EHD4: variants seen among roughly 807,000 people sequenced by gnomAD.
EHD4 encodes the protein EH domain containing 4.
A neutral mutation model predicts 51.0 loss-of-function variants in EHD4; 37 were observed. The ratio of observed to expected loss-of-function variants is 0.73; its 90% CI spans 0.56 to 0.95. The LOEUF (loss-of-function observed/expected upper bound fraction) is 0.95. Ranked by LOEUF, EHD4 falls within the 40% of genes least tolerant of loss-of-function variation. The probability of loss-of-function intolerance (pLI) is 0.00; values close to 1 mark genes in which losing one functional copy is unlikely to be tolerated. For missense variants in EHD4, 632 were observed against 733.1 expected (o/e 0.86, Z 1.59); for synonymous variants, 297 against 317.3 (o/e 0.94, Z 0.68).
chr15:41,904,438 C>A (rs767377753), intron 5 of EHD4, among the ~76,000 whole-genome samples: 4 of 152,186 alleles, frequency 2.6e-5, no homozygotes, highest in Non-Finnish European at 5.9e-5. Context: ...AGCACCAAAC[C>A]ATCATCATCC....
At chr15:41,948,501 G>C (rs753812589) in intron 2 of EHD4, among the ~76,000 whole-genome samples, 1 of 152,072 alleles carries the variant, frequency 6.6e-6, no homozygotes, top group South Asian at 2.1e-4. Context: ...GCTTCAGCAA[G>C]TTTATTATAG....
At chr15:41,904,879 C>A (rs2067502667) in intron 5 of EHD4, among the ~76,000 whole-genome samples, 1 of 152,246 alleles carries the variant, frequency 6.6e-6, no homozygotes, top group Admixed American at 6.5e-5. Context: ...GCACAGGCAG[C>A]CACACAGGTG....
chr15:41,938,261 G>A (rs897054300), intron 3 of EHD4, among the ~76,000 whole-genome samples: 3 of 152,152 alleles, frequency 2.0e-5, no homozygotes, highest in African/African-American at 7.2e-5. Flanking sequence ...GCCTGTTCCT[G>A]TTTATATCAC....
At chr15:41,950,720 C>G (rs996460287) in intron 2 of EHD4, among the ~76,000 whole-genome samples, 1 of 152,106 alleles carries the variant, frequency 6.6e-6, no homozygotes, top group Non-Finnish European at 1.5e-5. Flanking sequence ...GCTAGAAGGA[C>G]AGAAACTCCT....
rs376548348 is a variant in EHD4 at position 41,919,447 on chromosome 15, C to T, written c.687G>A (p.Thr229=). The change falls in exon 4 of 6, where the codon ACG becomes ACA. Residue 229 remains threonine, a synonymous_variant. Coordinates refer to ENST00000220325, the MANE Select transcript of EHD4 (RefSeq NM_139265.4). ...VVLNKADQVD[T]QQLMRVYGAL... The stretch of plus-strand genomic sequence containing the variant: ...CCCCGTAGACCCGCATCAGCTGCTG[C>T]GTGTCCACTTGGTCGGCCTTGTTCA... 100 of 1,577,612 alleles carry T rather than the reference C, an allele frequency of 6.3e-5. No individual in the cohort carries two copies. Among genetic ancestry groups the T allele is most frequent in the Middle Eastern group, 3.4e-4 (2 of 5,882 alleles).
At chr15:41,950,708 TG>T (rs1161225913) in intron 2 of EHD4, among the ~76,000 whole-genome samples, 1 of 152,194 alleles carries the variant, frequency 6.6e-6, no homozygotes, top group Non-Finnish European at 1.5e-5. Flanking sequence ...GACACACACT[TG>T]GCTAGAAGGA....
At chr15:41,964,144 C>CAAAAAAAA (rs755699829) in intron 1 of EHD4, among the ~76,000 whole-genome samples, 1 of 26,554 alleles carries the variant, frequency 3.8e-5, no homozygotes, top group Non-Finnish European at 8.3e-5. Flanking sequence ...GACTCCATCT[C>CAAAAAAAA]AAAAAAAAAA....
intron 1 of EHD4, among the ~76,000 whole-genome samples, chr15:41,962,836 G>A (rs973384764): frequency 6.6e-6 from 1 of 152,194 alleles, no homozygotes; most frequent in Non-Finnish European, 1.5e-5. Flanking sequence ...GAGGATGGCG[G>A]TTTTGTCGAA....
intron 4 of EHD4, among the ~76,000 whole-genome samples, chr15:41,912,112 C>T (rs958403301): frequency 2.6e-5 from 4 of 152,160 alleles, no homozygotes; most frequent in Admixed American, 6.5e-5. Flanking sequence ...GAGGTGGCCC[C>T]GACACTAGGC....
chr15:41,944,193 T>G (rs867678051), intron 2 of EHD4, among the ~76,000 whole-genome samples: 2 of 152,166 alleles, frequency 1.3e-5, no homozygotes, highest in East Asian at 3.8e-4. Flanking sequence ...GTTCCTCACA[T>G]GAAAATGGTG....
rs566663725 is a variant in EHD4 at position 41,958,069 on chromosome 15, C to T, written c.237-4129G>A. Among the ~76,000 whole-genome samples, 3 of 151,944 alleles carry T rather than the reference C, an allele frequency of 2.0e-5. No individual in the cohort carries two copies. The South Asian group carries it at 6.3e-4, about 32-fold the overall frequency. On this transcript the variant is annotated intron_variant, in intron 1 of 5. Coordinates refer to ENST00000220325, the MANE Select transcript of EHD4 (RefSeq NM_139265.4). ...TGCCTCAGAGGCTTTCCCAAAGCTA[C>T]GAGTTTCAGGGACTCTAGTATTATC...
intron 2 of EHD4, among the ~76,000 whole-genome samples, chr15:41,948,325 A>G (rs191670975): frequency 4.6e-5 from 7 of 151,850 alleles, no homozygotes; most frequent in African/African-American, 1.7e-4. Context: ...CTTTTTTATT[A>G]TTGTTATTTT....
At chr15:41,967,941 A>G (rs900017190) in intron 1 of EHD4, among the ~76,000 whole-genome samples, 10 of 152,092 alleles carry the variant, frequency 6.6e-5, no homozygotes, top group Admixed American at 5.9e-4. Context: ...GCCCTGGGAG[A>G]GCTCCTCAGC....
At chr15:41,966,769 C>G (rs919838573) in intron 1 of EHD4, among the ~76,000 whole-genome samples, 4 of 152,204 alleles carry the variant, frequency 2.6e-5, no homozygotes, top group Admixed American at 6.5e-5. Flanking sequence ...ATCTTTTTAT[C>G]TAAGCTAGCT....
At chr15:41,952,249 G>A (rs2067857151) in intron 2 of EHD4, among the ~76,000 whole-genome samples, 1 of 152,182 alleles carries the variant, frequency 6.6e-6, no homozygotes, top group Non-Finnish European at 1.5e-5. Flanking sequence ...GCAGCCGGCT[G>A]GGAGGATCCG....
intron 3 of EHD4, among the ~76,000 whole-genome samples, chr15:41,925,623 G>A (rs1238373069): frequency 6.6e-6 from 1 of 152,224 alleles, no homozygotes; most frequent in Non-Finnish European, 1.5e-5. Context: ...AGTGAAACTT[G>A]TATTAGTCTG....
chr15:41,904,708 C>T (rs1360599124), intron 5 of EHD4, among the ~76,000 whole-genome samples: 1 of 152,242 alleles, frequency 6.6e-6, no homozygotes, highest in African/African-American at 2.4e-5. Context: ...CTGCCCTCTG[C>T]TGTTGAAATG....
Position 41,901,049 on chromosome 15 carries a change from G to A in EHD4, c.1222C>T (p.Pro408Ser). 1 of 1,612,784 alleles carries A rather than the reference G, an allele frequency of 6.2e-7. No individual in the cohort carries two copies. Among genetic ancestry groups the A allele is most frequent in the East Asian group, 2.2e-5 (1 of 44,846 alleles). ...NLISQEETST[P>S]TQLVQGGAFD... ...GCGCCGCCCTGCACCAGCTGCGTGG[G>A]CGTGCTCGTCTCCTCCTGGCTGATG... Residue 408 changes from proline (P) to serine (S), a missense_variant, in exon 6 of 6, where the codon CCC (proline) becomes TCC (serine). Physicochemically the swap from Pro to Ser is moderately conservative, Grantham distance 74. Coordinates refer to ENST00000220325, the MANE Select transcript of EHD4 (RefSeq NM_139265.4).
intron 4 of EHD4, among the ~76,000 whole-genome samples, chr15:41,917,506 T>C (rs78596834): frequency 0.068 from 10,291 of 152,314 alleles, 402 homozygotes; most frequent in South Asian, 0.097. Context: ...AGAATGTCCA[T>C]GAGCATTTAA....
Sources: gnomAD v4.1 joint callset for allele counts (sites outside exome capture counted in the v4.1 genomes callset) on GRCh38, gnomAD v4.1.1 for gene constraint, MANE v1.5 for transcripts, NCBI Gene and HGNC (gene_info 2026-07-23, HGNC 2026-07-21) for gene names.